Variants in DGKB observed in about 807,000 individuals in gnomAD.
DGKB encodes the protein 90 kDa diacylglycerol kinase.
A neutral mutation model predicts 114.3 loss-of-function variants in DGKB; 67 were observed. The observed-to-expected ratio is 0.59, with a 90% CI of 0.48 to 0.72. DGKB has a LOEUF of 0.72. Ranked by LOEUF, DGKB falls within the 30% of genes least tolerant of loss-of-function variation. DGKB has a pLI of 0.00. For missense variants in DGKB, 907 were observed against 975.2 expected (o/e 0.93, Z 0.93); for synonymous variants, 398 against 323.1 (o/e 1.23, Z -2.49).
At chr7:14,686,474 G>C (rs1224937744) in intron 9 of DGKB, among the ~76,000 whole-genome samples, 2 of 152,080 alleles carry the variant, frequency 1.3e-5, no homozygotes, top group East Asian at 1.9e-4. Flanking sequence ...TAACTTTCCA[G>C]GTTGTCCAAG....
At chr7:14,153,713 A>C (rs1242635446) in intron 25 of DGKB, among the ~76,000 whole-genome samples, 1 of 152,070 alleles carries the variant, frequency 6.6e-6, no homozygotes, top group Non-Finnish European at 1.5e-5. Flanking sequence ...GTAAAATTTC[A>C]AAGTGAAGGG....
At chr7:14,400,102 A>G (rs537930032) in intron 21 of DGKB, among the ~76,000 whole-genome samples, 12 of 151,914 alleles carry the variant, frequency 7.9e-5, no homozygotes, top group African/African-American at 2.9e-4. Flanking sequence ...TTGAAGCATC[A>G]TATAAATCTC....
chr7:14,586,647 A>C (rs1490124367), intron 17 of DGKB, among the ~76,000 whole-genome samples: 1 of 151,984 alleles, frequency 6.6e-6, no homozygotes, highest in East Asian at 1.9e-4. Flanking sequence ...GAACAGGCTG[A>C]CTCTCCTGTT....
intron 21 of DGKB, among the ~76,000 whole-genome samples, chr7:14,455,329 C>T (rs1487859358): frequency 6.6e-6 from 1 of 151,816 alleles, no homozygotes; most frequent in East Asian, 1.9e-4. Context: ...TAAAAAACTC[C>T]CTAGGTTTTC....
intron 22 of DGKB, among the ~76,000 whole-genome samples, chr7:14,344,406 G>C (rs1356370727): frequency 2.0e-5 from 3 of 151,590 alleles, no homozygotes; most frequent in African/African-American, 4.8e-5. Flanking sequence ...CCAGGCCATT[G>C]TGTGGTCCAT....
At chr7:14,505,037 C>T (rs569489645) in intron 20 of DGKB, among the ~76,000 whole-genome samples, 7 of 152,280 alleles carry the variant, frequency 4.6e-5, no homozygotes, top group East Asian at 3.9e-4. Context: ...TAAAGCTCTA[C>T]GGTGCTATCT....
intron 17 of DGKB, among the ~76,000 whole-genome samples, chr7:14,585,548 T>C (rs1220083929): frequency 6.6e-6 from 1 of 152,210 alleles, no homozygotes. Flanking sequence ...CACTTACATG[T>C]CTTTTAAAAT....
Position 14,665,920 on chromosome 7 carries a change from G to A in DGKB, c.1134+7009C>T, listed in dbSNP as rs545339569. On this transcript the variant is annotated intron_variant, in intron 13 of 25. Coordinates refer to ENST00000402815, the MANE Select transcript of DGKB (RefSeq NM_001350709.2). ...AGGGATTCTATAGGCCTATTTTATC[G>A]ATTTCTGTGACCTCACAAATTTATG... Among the ~76,000 whole-genome samples the A allele has an allele frequency of 1.4e-4, 21 of 151,942 alleles. No homozygotes were observed. In the South Asian group the frequency reaches 3.7e-3, roughly 27 times the overall value.
Position 14,790,613 on chromosome 7 carries a change from G to C in DGKB, c.71-32882C>G, listed in dbSNP as rs551878620. Among the ~76,000 whole-genome samples the C allele has an allele frequency of 1.4e-3, 212 of 152,066 alleles. 1 individual carries two copies. Among genetic ancestry groups the C allele is most frequent in the Middle Eastern group, 3.4e-3 (1 of 294 alleles). On this transcript the variant is annotated intron_variant, in intron 2 of 25. Transcript: ENST00000402815. ...TTGTCCTTTTGTCAGAAATTATTTA[G>C]GCATATTTTTATGGGTTTATTTTAG... is the stretch of plus-strand genomic sequence containing the variant.
chr7:14,159,039 T>C (rs1783464308), intron 25 of DGKB, among the ~76,000 whole-genome samples: 2 of 152,148 alleles, frequency 1.3e-5, no homozygotes, highest in East Asian at 3.9e-4. Context: ...CCACCTAGAA[T>C]GATCTTGTCA....
At chr7:14,256,737 T>C (rs918295063) in intron 23 of DGKB, among the ~76,000 whole-genome samples, 1 of 152,136 alleles carries the variant, frequency 6.6e-6, no homozygotes, top group African/African-American at 2.4e-5. Context: ...AAATATGCAT[T>C]GAAGGTATAA....
intron 17 of DGKB, 39 bp from the exon 18 acceptor site, chr7:14,583,176 TA>T: frequency 7.9e-7 from 1 of 1,266,116 alleles, no homozygotes; most frequent in South Asian, 1.3e-5. Flanking sequence ...ATTAATAGTT[TA>T]AAAATAAGAT....
intron 23 of DGKB, among the ~76,000 whole-genome samples, chr7:14,196,176 C>A (rs6967846): frequency 0.24 from 37,038 of 151,884 alleles, 5,268 homozygotes; most frequent in East Asian, 0.46. Context: ...GCTGTTAATG[C>A]AGGACTAAGG....
At chr7:14,543,021 G>A (rs774194332) in intron 20 of DGKB, among the ~76,000 whole-genome samples, 5 of 152,026 alleles carry the variant, frequency 3.3e-5, no homozygotes, top group Non-Finnish European at 7.4e-5. Flanking sequence ...TTACACTCTG[G>A]GTTGTAACAT....
intron 25 of DGKB, among the ~76,000 whole-genome samples, chr7:14,175,591 A>G (rs1294431084): frequency 6.6e-6 from 1 of 152,134 alleles, no homozygotes; most frequent in Non-Finnish European, 1.5e-5. Flanking sequence ...GCTCAATACA[A>G]TCAATCCTCC....
intron 21 of DGKB, among the ~76,000 whole-genome samples, chr7:14,400,312 G>C (rs1209211406): frequency 6.6e-6 from 1 of 151,834 alleles, no homozygotes; most frequent in South Asian, 2.1e-4. Context: ...TGATTCCTCA[G>C]AGAAATCACT....
At chr7:14,439,886 T>C (rs1334003916) in intron 21 of DGKB, among the ~76,000 whole-genome samples, 30 of 128,144 alleles carry the variant, frequency 2.3e-4, no homozygotes, top group Non-Finnish European at 4.1e-4. Context: ...AAAAAAAAAG[T>C]AATGAATAAA....
At chr7:14,158,755 G>T (rs928912363) in intron 25 of DGKB, among the ~76,000 whole-genome samples, 6 of 152,088 alleles carry the variant, frequency 3.9e-5, no homozygotes, top group African/African-American at 4.8e-5. Flanking sequence ...GGATTAGAGA[G>T]GAAACTGATT....
chr7:14,573,465 CTCTGTGTG>C (rs1039018436), intron 20 of DGKB, among the ~76,000 whole-genome samples: 3 of 122,576 alleles, frequency 2.4e-5, no homozygotes, highest in Non-Finnish European at 1.7e-5. Flanking sequence ...TATAATCTAT[CTCTGTGTG>C]TGTGTGTGTG....
Sources: gnomAD v4.1 joint callset for allele counts (sites outside exome capture counted in the v4.1 genomes callset) on GRCh38, gnomAD v4.1.1 for gene constraint, MANE v1.5 for transcripts, NCBI Gene and HGNC (gene_info 2026-07-23, HGNC 2026-07-21) for gene names.